PRKG1: variants seen among roughly 807,000 people sequenced by gnomAD.
PRKG1 encodes protein kinase cGMP-dependent 1, also known as cGMP-dependent protein kinase 1.
Under a neutral mutation model 88.1 loss-of-function variants are expected in PRKG1, and 35 were observed. The ratio of observed to expected loss-of-function variants is 0.40; its 90% CI spans 0.30 to 0.53. The LOEUF is 0.53. PRKG1 is among the 20% of genes least tolerant of loss of function. PRKG1 has a pLI of 0.59. For missense variants in PRKG1, 540 were observed against 839.8 expected (o/e 0.64, Z 4.41); for synonymous variants, 303 against 292.5 (o/e 1.04, Z -0.37).
chr10:51,966,746 A>G (rs1027564707), intron 5 of PRKG1, among the ~76,000 whole-genome samples: 2 of 152,146 alleles, frequency 1.3e-5, no homozygotes, highest in Non-Finnish European at 2.9e-5. Context: ...CTGGTGTGCC[A>G]CTTTCACTCT....
chr10:51,521,326 C>T (rs909297967), intron 3 of PRKG1, among the ~76,000 whole-genome samples: 3 of 151,842 alleles, frequency 2.0e-5, no homozygotes, highest in South Asian at 2.1e-4. Context: ...GAATATTGTC[C>T]GACACATAGC....
intron 2 of PRKG1, among the ~76,000 whole-genome samples, chr10:51,170,086 G>A (rs1846661956): frequency 6.6e-6 from 1 of 151,980 alleles, no homozygotes; most frequent in Admixed American, 6.6e-5. Flanking sequence ...TGTCTCTGAA[G>A]TTCCTAACAG....
chr10:51,256,840 T>G (rs967135071), intron 2 of PRKG1, among the ~76,000 whole-genome samples: 6 of 152,040 alleles, frequency 3.9e-5, no homozygotes, highest in Non-Finnish European at 8.8e-5. Context: ...CGTTGGACTA[T>G]GGGGGAAGCT....
chr10:51,516,459 G>A (rs993783280), intron 3 of PRKG1, among the ~76,000 whole-genome samples: 2 of 152,124 alleles, frequency 1.3e-5, no homozygotes, highest in African/African-American at 4.8e-5. Flanking sequence ...GAACAATCGG[G>A]AGAGAGCAGG....
intron 2 of PRKG1, among the ~76,000 whole-genome samples, chr10:51,322,557 G>T (rs980624965): frequency 2.0e-5 from 3 of 152,178 alleles, no homozygotes; most frequent in Non-Finnish European, 4.4e-5. Context: ...AATAGCAATA[G>T]AATCAATAAC....
intron 5 of PRKG1, among the ~76,000 whole-genome samples, chr10:52,016,414 C>G (rs1239273042): frequency 6.6e-6 from 1 of 152,152 alleles, no homozygotes; most frequent in Non-Finnish European, 1.5e-5. Context: ...GGGAAACTGC[C>G]CCCATGATCC....
At chr10:52,154,793 C>T (rs1057061087) in intron 8 of PRKG1, among the ~76,000 whole-genome samples, 1 of 152,052 alleles carries the variant, frequency 6.6e-6, no homozygotes, top group Admixed American at 6.6e-5. Context: ...TCTCCCACCC[C>T]ACTTCCACCC....
intron 3 of PRKG1, among the ~76,000 whole-genome samples, chr10:51,483,009 C>CT (rs149140774): frequency 0.26 from 28,515 of 109,842 alleles, 3,431 homozygotes; most frequent in Admixed American, 0.32. Context: ...TCTTTTCTTT[C>CT]TTTTTTTTTT....
At chr10:51,769,617 T>C (rs1298150471) in intron 3 of PRKG1, among the ~76,000 whole-genome samples, 3 of 152,182 alleles carry the variant, frequency 2.0e-5, no homozygotes, top group Admixed American at 1.3e-4. Flanking sequence ...GAAACAGATA[T>C]CTTTTGTGAT....
intron 2 of PRKG1, among the ~76,000 whole-genome samples, chr10:51,170,060 G>T (rs576361751): frequency 1.3e-5 from 2 of 152,062 alleles, no homozygotes; most frequent in South Asian, 4.2e-4. Context: ...GACACCTTCT[G>T]ACTGGGCTGG....
intron 1 of PRKG1, among the ~76,000 whole-genome samples, chr10:51,014,542 A>C (rs1273813772): frequency 6.6e-6 from 1 of 151,376 alleles, no homozygotes; most frequent in African/African-American, 2.4e-5. Flanking sequence ...TTTTTTTTTC[A>C]CACCTTATAT....
At chr10:51,406,558 C>G (rs1837922609) in intron 2 of PRKG1, among the ~76,000 whole-genome samples, 1 of 150,902 alleles carries the variant, frequency 6.6e-6, no homozygotes, top group Non-Finnish European at 1.5e-5. Flanking sequence ...AAAGAAGATG[C>G]TTTGAAAGGA....
intron 2 of PRKG1, among the ~76,000 whole-genome samples, chr10:51,286,903 G>A (rs989107517): frequency 6.6e-6 from 1 of 152,126 alleles, no homozygotes; most frequent in Non-Finnish European, 1.5e-5. Flanking sequence ...TTGAGACAGG[G>A]TCTCACTCTG....
At chr10:51,146,935 C>T (rs1355872004) in intron 1 of PRKG1, among the ~76,000 whole-genome samples, 1 of 152,094 alleles carries the variant, frequency 6.6e-6, no homozygotes, top group African/African-American at 2.4e-5. Context: ...AAATGTGGTA[C>T]ATATACCCAA....
intron 3 of PRKG1, among the ~76,000 whole-genome samples, chr10:51,735,757 A>G (rs971176064): frequency 1.3e-5 from 2 of 151,446 alleles, no homozygotes; most frequent in African/African-American, 4.8e-5. Context: ...ATGACAAGGG[A>G]AAGTCTATAT....
chr10:52,057,944 G>A (rs1055079067), intron 6 of PRKG1, among the ~76,000 whole-genome samples: 1 of 151,640 alleles, frequency 6.6e-6, no homozygotes, highest in African/African-American at 2.4e-5. Flanking sequence ...GTTTAATGTG[G>A]TACTAGACAT....
intron 5 of PRKG1, among the ~76,000 whole-genome samples, chr10:52,032,405 A>G (rs1368406328): frequency 6.6e-6 from 1 of 152,184 alleles, no homozygotes; most frequent in African/African-American, 2.4e-5. Flanking sequence ...GTTCTGGTAA[A>G]ATAGAGATCA....
intron 2 of PRKG1, among the ~76,000 whole-genome samples, chr10:51,404,719 C>T (rs2132674364): frequency 6.6e-6 from 1 of 152,152 alleles, no homozygotes; most frequent in East Asian, 1.9e-4. Flanking sequence ...AGAGGCTCTC[C>T]TTTCAACATC....
chr10:51,822,079 G>A (rs1465503577), intron 4 of PRKG1, among the ~76,000 whole-genome samples: 2 of 151,370 alleles, frequency 1.3e-5, no homozygotes, highest in Admixed American at 1.3e-4. Flanking sequence ...AATGAATAAA[G>A]AATATGTATA....
Sources: gnomAD v4.1 joint callset for allele counts (sites outside exome capture counted in the v4.1 genomes callset) on GRCh38, gnomAD v4.1.1 for gene constraint, MANE v1.5 for transcripts, NCBI Gene and HGNC (gene_info 2026-07-23, HGNC 2026-07-21) for gene names.